The following DNAI1 variants were observed in gnomAD, a reference collection of about 807,000 sequenced individuals.
DNAI1 encodes the protein dynein axonemal intermediate chain 1.
Under a neutral mutation model 92.0 loss-of-function variants are expected in DNAI1, and 67 were observed. That is an observed-to-expected ratio of 0.73 (90% confidence interval 0.60 to 0.89). The LOEUF (loss-of-function observed/expected upper bound fraction) is 0.89, where lower values mean the gene tolerates loss of function less well. Ranked by LOEUF, DNAI1 falls within the 40% of genes least tolerant of loss-of-function variation. The probability of loss-of-function intolerance (pLI) is 0.00; values close to 1 mark genes in which losing one functional copy is unlikely to be tolerated. For missense variants in DNAI1, 839 were observed against 866.6 expected (o/e 0.97, Z 0.40); for synonymous variants, 323 against 319.6 (o/e 1.01, Z -0.11).
Position 34,500,745 on chromosome 9 carries a change from G to A in DNAI1, c.925G>A (p.Ala309Thr). ...AQDFKYYDDAADEYRDQVGTL... is the reference protein window; with the variant it reads ...AQDFKYYDDATDEYRDQVGTL... Reference sequence around the variant, plus strand: ...AGATTTTAAGTACTATGACGATGCTGCTGATGAATACCGGGACCAGGTGGG... The same window carrying A: ...AGATTTTAAGTACTATGACGATGCTACTGATGAATACCGGGACCAGGTGGG... The change falls in exon 11 of 20, where the codon GCT becomes ACT. Residue 309 changes from alanine (A) to threonine (T), a missense_variant. Physicochemically the swap from Ala to Thr is moderately conservative, Grantham distance 58. Coordinates refer to ENST00000242317, the MANE Select transcript of DNAI1 (RefSeq NM_012144.4). 2 of 1,613,968 alleles carry A rather than the reference G, an allele frequency of 1.2e-6. No homozygotes were observed. Among genetic ancestry groups the A allele is most frequent in the Non-Finnish European group, 1.7e-6 (2 of 1,179,916 alleles).
Position 34,470,411 on chromosome 9 carries a change from A to G in DNAI1, c.48+11358A>G, listed in dbSNP as rs1353935585. On this transcript the variant is annotated intron_variant, in intron 1 of 19. Coordinates refer to ENST00000242317, the MANE Select transcript of DNAI1 (RefSeq NM_012144.4). ...ACATAGAATGTTTGAAAATAAAAGA[A>G]TGGAAAAATAAACTAAGCAAATGGA... is the stretch of plus-strand genomic sequence containing the variant. 2.6e-5 allele frequency among the ~76,000 whole-genome samples: 4 copies of G among 152,350 alleles called. No homozygotes were observed. In the East Asian group the frequency reaches 7.7e-4, roughly 29 times the overall value.
intron 12 of DNAI1, among the ~76,000 whole-genome samples, chr9:34,502,272 C>T (rs1009727115): frequency 6.6e-6 from 1 of 152,140 alleles, no homozygotes; most frequent in African/African-American, 2.4e-5. Context: ...TGCTTTGTGT[C>T]CCCACTCCTG....
Position 34,512,397 on chromosome 9 carries a change from C to G in DNAI1, c.1462C>G (p.Pro488Ala). 6.2e-7 allele frequency: 1 copy of G among 1,614,178 alleles called. No individual in the cohort carries two copies. The highest frequency in any genetic ancestry group is 8.5e-7 in the Non-Finnish European group (1 of 1,180,026). Reference protein sequence around the residue: ...LKVEGSTTEVPEGLQLHPVGC... With the variant: ...LKVEGSTTEVAEGLQLHPVGC... Reference sequence around the variant, plus strand: ...GGTGGAAGGCAGCACCACGGAAGTTCCTGAGGGGTTGCAGCTGCACCCAGT... The same window carrying G: ...GGTGGAAGGCAGCACCACGGAAGTTGCTGAGGGGTTGCAGCTGCACCCAGT... Residue 488 changes from proline to alanine, a missense_variant, in exon 15 of 20, where the codon CCT becomes GCT. Physicochemically the swap from Pro to Ala is conservative, Grantham distance 27 (BLOSUM62 -1). Transcript: ENST00000242317.
intron 1 of DNAI1, chr9:34,478,543 G>A (rs572258647): frequency 6.6e-6 from 1 of 152,356 alleles, no homozygotes; most frequent in South Asian, 2.1e-4. Context: ...CTGTGCTAGT[G>A]ATCCAAAGAC....
chr9:34,481,966 C>G (rs964634184), intron 1 of DNAI1, among the ~76,000 whole-genome samples: 3 of 152,250 alleles, frequency 2.0e-5, no homozygotes, highest in South Asian at 2.1e-4. Flanking sequence ...GCCCCACCCA[C>G]ATCCTGCTGA....
intron 1 of DNAI1, among the ~76,000 whole-genome samples, chr9:34,471,458 AAAAAG>A (rs1337846321): frequency 6.6e-6 from 1 of 151,314 alleles, no homozygotes; most frequent in African/African-American, 2.4e-5. Flanking sequence ...AAAAAAAAAA[AAAAAG>A]AAAAGAAAAG....
At chr9:34,485,682 T>C (rs1177407581) in intron 4 of DNAI1, among the ~76,000 whole-genome samples, 165 bp downstream of exon 4, 3 of 152,206 alleles carry the variant, frequency 2.0e-5, no homozygotes, top group Non-Finnish European at 4.4e-5. Context: ...TAGAAGTTTT[T>C]GAAATTTCTT....
At chr9:34,504,890 G>A (rs1239024227) in intron 12 of DNAI1, among the ~76,000 whole-genome samples, 1 of 152,144 alleles carries the variant, frequency 6.6e-6, no homozygotes, top group African/African-American at 2.4e-5. Context: ...CAAGGCTGAG[G>A]TATGGGAAAT....
chr9:34,506,556 AG>A (rs1824933535), intron 12 of DNAI1, 70 bp from the exon 13 acceptor site: 1 of 1,606,510 alleles, frequency 6.2e-7, no homozygotes, highest in Admixed American at 1.7e-5. Context: ...CTAGTGGGGT[AG>A]GGGTGAGGGG....
chr9:34,485,057 G>T, intron 2 of DNAI1, 85 bp from the exon 3 acceptor site: 1 of 1,337,684 alleles, frequency 7.5e-7, no homozygotes, highest in Non-Finnish European at 1.1e-6. Context: ...TTGGCTTCTG[G>T]GAGTGTTTGT....
chr9:34,519,169 CA>C, intron 19 of DNAI1, among the ~76,000 whole-genome samples: 1 of 152,138 alleles, frequency 6.6e-6, no homozygotes, highest in Middle Eastern at 3.2e-3. Context: ...TCATGCAAAA[CA>C]AAATCCTCTG....
At chr9:34,493,359 A>G (rs775584863) in intron 9 of DNAI1, 31 bp downstream of exon 9, 5 of 1,613,856 alleles carry the variant, frequency 3.1e-6, no homozygotes, top group Non-Finnish European at 2.5e-6. Context: ...GCTCTGCCAC[A>G]GAATTTCTGA....
chr9:34,515,657 A>T (rs1302022634), intron 18 of DNAI1, among the ~76,000 whole-genome samples: 2 of 152,222 alleles, frequency 1.3e-5, no homozygotes, highest in Non-Finnish European at 2.9e-5. Flanking sequence ...AAGGACAAGG[A>T]ATGATGTGCT....
chr9:34,499,716 T>G (rs1359053199), intron 10 of DNAI1, among the ~76,000 whole-genome samples: 2 of 152,170 alleles, frequency 1.3e-5, no homozygotes, highest in Non-Finnish European at 2.9e-5. Flanking sequence ...ACAGGGCATC[T>G]TAGACATGGA....
At chr9:34,492,306 C>G (rs577632072) in intron 8 of DNAI1, among the ~76,000 whole-genome samples, 33 of 151,792 alleles carry the variant, frequency 2.2e-4, no homozygotes, top group African/African-American at 8.0e-4. Context: ...GGCATTTGCC[C>G]AGCCCCAGAT....
Position 34,517,358 on chromosome 9 carries a change from G to T in DNAI1, c.1892G>T (p.Arg631Met). The T allele has an allele frequency of 6.2e-7, 1 of 1,614,152 alleles. No individual in the cohort carries two copies. The highest frequency in any genetic ancestry group is 1.1e-5 in the South Asian group (1 of 91,076). ...CAGCCTGTGGCGGCCAAAAAGAACA[G>T]GCTCACCCACGTGCAGTTCAATCTC... The part of the protein sequence containing the change: ...CNQPVAAKKN[R>M]LTHVQFNLIH... Residue 631 changes from arginine to methionine, a missense_variant, in exon 19 of 20, where the codon AGG (arginine) becomes ATG (methionine). Coordinates refer to ENST00000242317, the MANE Select transcript of DNAI1 (RefSeq NM_012144.4).
At chr9:34,462,044 A>G (rs1416213445) in intron 1 of DNAI1, among the ~76,000 whole-genome samples, 2 of 152,142 alleles carry the variant, frequency 1.3e-5, no homozygotes, top group African/African-American at 4.8e-5. Context: ...GAGGATAGAG[A>G]GGAGTTTAAA....
chr9:34,459,963 C>G (rs928048505), intron 1 of DNAI1, among the ~76,000 whole-genome samples: 9 of 152,192 alleles, frequency 5.9e-5, no homozygotes, highest in Non-Finnish European at 1.3e-4. Context: ...GCCCTTTTCT[C>G]ATCCCTGTCC....
chr9:34,482,303 T>C (rs1190334009), intron 1 of DNAI1, among the ~76,000 whole-genome samples: 2 of 149,542 alleles, frequency 1.3e-5, no homozygotes, highest in African/African-American at 2.5e-5. Context: ...AGAGTGTCGA[T>C]TGGTGCACTC....
Sources: gnomAD v4.1 joint callset for allele counts (sites outside exome capture counted in the v4.1 genomes callset) on GRCh38, gnomAD v4.1.1 for gene constraint, MANE v1.5 for transcripts, NCBI Gene and HGNC (gene_info 2026-07-23, HGNC 2026-07-21) for gene names.